HECW2: variants seen among roughly 807,000 people sequenced by gnomAD.
HECW2 encodes the protein HECT, C2 and WW domain containing E3 ubiquitin protein ligase 2, also known as E3 ubiquitin-protein ligase HECW2.
HECW2 carries 61 observed loss-of-function variants against 175.2 expected under a neutral mutation model. The ratio of observed to expected loss-of-function variants is 0.35; its 90% CI spans 0.28 to 0.43. The LOEUF (loss-of-function observed/expected upper bound fraction) is 0.43, where lower values mean the gene tolerates loss of function less well. Among genes scored for constraint, HECW2 ranks in the 20% least tolerant of loss-of-function variants. HECW2 has a pLI of 1.00. For synonymous variants in HECW2, 671 were observed against 731.0 expected, an observed-to-expected ratio of 0.92 and a Z score of 1.32; for missense variants, 1,524 against 2,000.5, an observed-to-expected ratio of 0.76 and a Z score of 4.54.
In HECW2 at chr2:196,201,088, C is replaced by T. The variant is rs973908186; in HGVS notation, c.*189G>A. 7 of 547,860 alleles carry T rather than the reference C, an allele frequency of 1.3e-5. No homozygotes were observed. The highest frequency in any genetic ancestry group is 2.0e-5 in the Non-Finnish European group (6 of 301,092). The allele number at this position is 547,860 out of a possible 1,614,324, so 33.9% of individuals were successfully genotyped here. A position where few individuals can be genotyped will look rare whatever the true frequency, so the allele number is the denominator to read the frequency against. ...TGGGTTGTTCCCTGGGCATCAAGCT[C>T]ACCCAAATCCTTCCAAGAGGACTCA... On this transcript the variant is annotated 3_prime_UTR_variant, in exon 29 of 29. Transcript: ENST00000644978.
chr2:196,306,160 T>C (rs930643899), intron 13 of HECW2, among the ~76,000 whole-genome samples: 3 of 151,578 alleles, frequency 2.0e-5, no homozygotes, highest in Non-Finnish European at 4.4e-5. Flanking sequence ...GAGAAGATGC[T>C]ATCTACACAC....
intron 2 of HECW2, among the ~76,000 whole-genome samples, chr2:196,382,796 C>CG (rs11445650): frequency 0.74 from 113,284 of 152,198 alleles, 43,628 homozygotes; most frequent in East Asian, 0.86. Context: ...CAGGGTAGCT[C>CG]CATGATAACC....
At chr2:196,466,694 G>T (rs918470007) in intron 1 of HECW2, among the ~76,000 whole-genome samples, 1 of 152,160 alleles carries the variant, frequency 6.6e-6, no homozygotes, top group African/African-American at 2.4e-5. Context: ...TGATGATTAT[G>T]ATTTTAGACA....
At chr2:196,399,085 C>T (rs1024332297) in intron 2 of HECW2, among the ~76,000 whole-genome samples, 1 of 152,104 alleles carries the variant, frequency 6.6e-6, no homozygotes, top group African/African-American at 2.4e-5. Flanking sequence ...ACATATTGGC[C>T]CCCAAAATCT....
intron 1 of HECW2, among the ~76,000 whole-genome samples, chr2:196,443,890 C>G (rs1465876919): frequency 6.6e-6 from 1 of 152,150 alleles, no homozygotes; most frequent in African/African-American, 2.4e-5. Context: ...CAAAAATTAG[C>G]TGGGCATGGT....
In HECW2 at chr2:196,363,363, G is replaced by A. The variant is rs917833065; in HGVS notation, c.293-19599C>T. 3.7e-4 allele frequency among the ~76,000 whole-genome samples: 57 copies of A among 152,120 alleles called. 2 individuals are homozygous for A. Among genetic ancestry groups the A allele is most frequent in the Admixed American group, 3.6e-3 (55 of 15,280 alleles). ...ACAGATGAGAAAACTAAGGCTCACC[G>A]AGAAGAAGTGATAACAGCCAGGATT... is the stretch of plus-strand genomic sequence containing the variant. On this transcript the variant is annotated intron_variant, in intron 2 of 28. Transcript: ENST00000644978.
rs1265217735 is a variant in HECW2, at chr2:196,499,640, C to A, written c.-35-66182G>T. 2.6e-5 allele frequency among the ~76,000 whole-genome samples: 4 copies of A among 152,130 alleles called. No homozygotes were observed. In the East Asian group the frequency reaches 7.7e-4, roughly 29 times the overall value. ...AGCCTTCTTAAAGGCAAACTTATGG[C>A]CTGCCACTCTGCAGATTTTCATATT... On this transcript the variant is annotated intron_variant, in intron 1 of 28. Transcript: ENST00000644978.
Position 196,317,324 on chromosome 2 carries a change from A to G in HECW2, c.2384T>C (p.Val795Ala), listed in dbSNP as rs757051865. 1.9e-6 allele frequency: 3 copies of G among 1,613,696 alleles called. No individual in the cohort carries two copies. Among genetic ancestry groups the G allele is most frequent in the Non-Finnish European group, 2.5e-6 (3 of 1,179,854 alleles). ...CTGGTACCGGCTAACATCCTGGCGC[A>G]CTGAAGGTAGTGATCGCAGTGGCTG... ...GHQPLRSLPS[V>A]RQDVSRYQRV... The change falls in exon 10 of 29, where the codon GTG becomes GCG. Residue 795 changes from valine to alanine, a missense_variant. Physicochemically the swap from Val to Ala is moderately conservative, Grantham distance 64. Coordinates refer to ENST00000644978, the MANE Select transcript of HECW2 (RefSeq NM_001348768.2).
intron 1 of HECW2, among the ~76,000 whole-genome samples, chr2:196,451,388 G>A (rs1439027390): frequency 4.0e-5 from 6 of 148,536 alleles, no homozygotes; most frequent in Admixed American, 6.7e-5. Flanking sequence ...AGCTGAGATC[G>A]CGCCACTGCA....
intron 1 of HECW2, among the ~76,000 whole-genome samples, chr2:196,533,776 G>T (rs546280426): frequency 2.0e-5 from 3 of 152,300 alleles, no homozygotes; most frequent in African/African-American, 7.2e-5. Flanking sequence ...GTAGACTCGA[G>T]AATTTAATTA....
intron 1 of HECW2, among the ~76,000 whole-genome samples, chr2:196,446,160 C>T (rs1170545089): frequency 1.3e-5 from 2 of 152,200 alleles, no homozygotes; most frequent in Non-Finnish European, 2.9e-5. Context: ...TCCAGTCCCA[C>T]TGCTGCTCCT....
intron 13 of HECW2, among the ~76,000 whole-genome samples, chr2:196,300,864 C>T (rs1426166352): frequency 4.4e-5 from 1 of 22,864 alleles, no homozygotes; most frequent in Non-Finnish European, 1.7e-4. Flanking sequence ...CAATCAGTTG[C>T]TCTTTTTTTT....
chr2:196,301,618 A>G (rs752329895), intron 13 of HECW2, among the ~76,000 whole-genome samples: 9 of 151,894 alleles, frequency 5.9e-5, no homozygotes, highest in African/African-American at 9.7e-5. Flanking sequence ...TTGCATTTCT[A>G]TAATGACCAG....
chr2:196,225,886 A>G lies in HECW2; in HGVS notation c.3918-16T>C. On this transcript the variant is annotated splice_polypyrimidine_tract_variant and intron_variant, in intron 22 of 28. Coordinates refer to ENST00000644978, the MANE Select transcript of HECW2 (RefSeq NM_001348768.2). Reference sequence around the variant, plus strand: ...GAATCGGAACCTGTGAAGGAAACACATGAGATGGCTTACATGTCATGGAGC... The same window carrying G: ...GAATCGGAACCTGTGAAGGAAACACGTGAGATGGCTTACATGTCATGGAGC... 2.0e-6 allele frequency: 3 copies of G among 1,494,620 alleles called. No homozygotes were observed. The highest frequency in any genetic ancestry group is 2.8e-6 in the Non-Finnish European group (3 of 1,071,222). The allele number at this position is 1,494,620 out of a possible 1,614,324, so 92.6% of individuals were successfully genotyped here. A position where few individuals can be genotyped will look rare whatever the true frequency, so the allele number is the denominator to read the frequency against.
chr2:196,338,304 A>C (rs1289504852), intron 3 of HECW2, among the ~76,000 whole-genome samples: 1 of 152,214 alleles, frequency 6.6e-6, no homozygotes. Flanking sequence ...TTTGTATATG[A>C]ATAAAATATT....
intron 20 of HECW2, among the ~76,000 whole-genome samples, chr2:196,240,890 C>T (rs1055435215): frequency 5.9e-5 from 9 of 152,050 alleles, no homozygotes; most frequent in African/African-American, 9.7e-5. Context: ...CACCGCCCCC[C>T]GCCCATACAT....
rs780067795 is a variant in HECW2, at chr2:196,317,262, A to G, written c.2434+12T>C. On this transcript the variant is annotated intron_variant, in intron 10 of 28. Transcript: ENST00000644978. ...TGATTAAGGTGGGCCCTTTTAACTA[A>G]CAGGTCCTCACTTGGTGGGAGAGCC... The G allele has an allele frequency of 6.9e-6, 11 of 1,601,320 alleles. No homozygotes were observed. The South Asian group carries it at 1.1e-4, about 16-fold the overall frequency.
Position 196,319,067 on chromosome 2 carries a change from G to C in HECW2, c.1823C>G (p.Ser608Cys). 2 of 1,611,768 alleles carry C rather than the reference G, an allele frequency of 1.2e-6. No individual in the cohort carries two copies. Among genetic ancestry groups the C allele is most frequent in the Non-Finnish European group, 1.7e-6 (2 of 1,178,952 alleles). The change falls in exon 9 of 29, where the codon TCC becomes TGC. Residue 608 changes from serine (S) to cysteine (C), a missense_variant. Physicochemically the swap from Ser to Cys is moderately radical, Grantham distance 112 (BLOSUM62 -1). Transcript: ENST00000644978. ...GGGTTCTGTTTCAGAGGACACCTGG[G>C]AAGGCTCAGAGCCCTGATCGAGAGA... ...TESLDQGSEP[S>C]QVSSETEPSD...
At chr2:196,231,221 TAG>T in intron 21 of HECW2, among the ~76,000 whole-genome samples, 1 of 152,086 alleles carries the variant, frequency 6.6e-6, no homozygotes, top group South Asian at 2.1e-4. Context: ...AAAGTCATCT[TAG>T]AAGTCATTTT....
Sources: gnomAD v4.1 joint callset for allele counts (sites outside exome capture counted in the v4.1 genomes callset) on GRCh38, gnomAD v4.1.1 for gene constraint, MANE v1.5 for transcripts, NCBI Gene and HGNC (gene_info 2026-07-23, HGNC 2026-07-21) for gene names.